The following DPYD variants were observed in gnomAD, a reference collection of about 807,000 sequenced individuals.
The protein encoded by DPYD is dihydropyrimidine dehydrogenase [NADP(+)].
DPYD carries 109 observed loss-of-function variants against 116.2 expected under a neutral mutation model. The ratio of observed to expected loss-of-function variants is 0.94; its 90% CI spans 0.80 to 1.10. The LOEUF is 1.10. Among genes scored for constraint, DPYD ranks in the 50% least tolerant of loss-of-function variants. DPYD has a pLI of 0.00. For missense variants in DPYD, 1,302 were observed against 1,254.5 expected, an observed-to-expected ratio of 1.04 and a Z score of -0.57; for synonymous variants, 440 against 432.0, an observed-to-expected ratio of 1.02 and a Z score of -0.23.
chr1:97,524,888 G>C (rs1343953975), intron 12 of DPYD, among the ~76,000 whole-genome samples: 1 of 152,022 alleles, frequency 6.6e-6, no homozygotes, highest in African/African-American at 2.4e-5. Flanking sequence ...TATTTATTAG[G>C]CATTTTAAAC....
intron 20 of DPYD, among the ~76,000 whole-genome samples, chr1:97,165,739 C>G (rs746946353): frequency 2.6e-5 from 4 of 152,050 alleles, no homozygotes; most frequent in Non-Finnish European, 5.9e-5. Flanking sequence ...GAAGTAACAA[C>G]CCCTTAATAA....
chr1:97,453,481 C>T (rs1026935969), intron 13 of DPYD, among the ~76,000 whole-genome samples: 7 of 152,006 alleles, frequency 4.6e-5, no homozygotes, highest in Non-Finnish European at 7.4e-5. Context: ...GGAAATTTCA[C>T]CTATAACTAA....
chr1:97,841,276 T>C (rs1670023735), intron 2 of DPYD, among the ~76,000 whole-genome samples: 1 of 152,068 alleles, frequency 6.6e-6, no homozygotes, highest in Non-Finnish European at 1.5e-5. Flanking sequence ...GCATTATCAC[T>C]CATCATTATT....
At chr1:97,747,039 C>A (rs548316875) in intron 3 of DPYD, among the ~76,000 whole-genome samples, 1 of 151,218 alleles carries the variant, frequency 6.6e-6, no homozygotes, top group South Asian at 2.1e-4. Context: ...GGAAAAGTGT[C>A]CCAATTCTGA....
intron 10 of DPYD, among the ~76,000 whole-genome samples, chr1:97,576,585 C>T (rs1570988885): frequency 6.6e-6 from 1 of 152,180 alleles, no homozygotes; most frequent in African/African-American, 2.4e-5. Flanking sequence ...TTATTAATCA[C>T]TGAATGCCTA....
intron 22 of DPYD, among the ~76,000 whole-genome samples, chr1:97,080,266 T>G (rs1649062653): frequency 6.6e-6 from 1 of 152,108 alleles, no homozygotes; most frequent in African/African-American, 2.4e-5. Context: ...ATGGTACCCC[T>G]TGAGGCCAGG....
intron 7 of DPYD, among the ~76,000 whole-genome samples, chr1:97,683,468 T>C (rs1660540018): frequency 6.6e-6 from 1 of 151,746 alleles, no homozygotes; most frequent in Non-Finnish European, 1.5e-5. Flanking sequence ...CAAATTAAGG[T>C]AATCAATTAG....
chr1:97,160,181 T>G (rs1655785322), intron 20 of DPYD, among the ~76,000 whole-genome samples: 1 of 152,126 alleles, frequency 6.6e-6, no homozygotes, highest in Non-Finnish European at 1.5e-5. Context: ...AAGATAATTT[T>G]AGAACAATTC....
At chr1:97,537,642 T>C (rs533933959) in intron 12 of DPYD, among the ~76,000 whole-genome samples, 3 of 152,260 alleles carry the variant, frequency 2.0e-5, no homozygotes, top group Non-Finnish European at 4.4e-5. Context: ...ATATTTTTAA[T>C]TGTCTTTATA....
chr1:97,892,714 T>C (rs1051438953), intron 1 of DPYD, among the ~76,000 whole-genome samples: 2 of 151,758 alleles, frequency 1.3e-5, no homozygotes, highest in African/African-American at 2.4e-5. Context: ...CTTATCATAC[T>C]TTTTTTCCCA....
intron 3 of DPYD, among the ~76,000 whole-genome samples, chr1:97,786,489 A>T (rs919790849): frequency 7.9e-5 from 12 of 152,212 alleles, no homozygotes; most frequent in African/African-American, 2.9e-4. Flanking sequence ...TAAAACCACC[A>T]TCTATCAAAG....
intron 13 of DPYD, among the ~76,000 whole-genome samples, chr1:97,503,709 T>A (rs1321649134): frequency 6.6e-6 from 1 of 151,884 alleles, no homozygotes; most frequent in Non-Finnish European, 1.5e-5. Context: ...GCATGTTTAA[T>A]CACATCTTGG....
At position 97,696,824 on chromosome 1, in the gene DPYD, C is replaced by T. The variant is rs1244975290; in HGVS notation, c.680+2527G>A. Among the ~76,000 whole-genome samples the T allele has an allele frequency of 2.0e-5, 3 of 152,070 alleles. No homozygotes were observed. In the East Asian group the frequency reaches 5.8e-4, roughly 29 times the overall value. Reference sequence around the variant, plus strand: ...AGATAATAGACTTAAATTTGTAATACATCACACATTCTCAAAATATTTCCT... The same window carrying T: ...AGATAATAGACTTAAATTTGTAATATATCACACATTCTCAAAATATTTCCT... On this transcript the variant is annotated intron_variant, in intron 6 of 22. Coordinates refer to ENST00000370192, the MANE Select transcript of DPYD (RefSeq NM_000110.4).
At chr1:97,100,241 T>C (rs1230575181) in intron 20 of DPYD, among the ~76,000 whole-genome samples, 2 of 151,964 alleles carry the variant, frequency 1.3e-5, no homozygotes, top group Non-Finnish European at 2.9e-5. Flanking sequence ...TAAAAGACAA[T>C]GCTTTTATGA....
chr1:97,731,628 T>C (rs1205542795), intron 4 of DPYD, among the ~76,000 whole-genome samples: 2 of 151,926 alleles, frequency 1.3e-5, no homozygotes, highest in Non-Finnish European at 2.9e-5. Context: ...ATCTAGAAAA[T>C]TCAATTATAC....
chr1:97,263,215 G>A (rs542997121), intron 18 of DPYD, among the ~76,000 whole-genome samples: 23 of 152,008 alleles, frequency 1.5e-4, no homozygotes, highest in Non-Finnish European at 2.6e-4. Flanking sequence ...AACCAAGAAC[G>A]TGTTTTCCAT....
At chr1:97,655,465 T>C (rs1378414127) in intron 8 of DPYD, among the ~76,000 whole-genome samples, 1 of 152,224 alleles carries the variant, frequency 6.6e-6, no homozygotes, top group Non-Finnish European at 1.5e-5. Context: ...TTCCTTCCAC[T>C]GCTGCCTGCT....
At chr1:97,217,362 G>A (rs2101884899) in intron 19 of DPYD, among the ~76,000 whole-genome samples, 1 of 152,242 alleles carries the variant, frequency 6.6e-6, no homozygotes, top group South Asian at 2.1e-4. Flanking sequence ...CTGAACTGTG[G>A]TCTAGAAATC....
chr1:97,740,529 T>A (rs1465850146), intron 3 of DPYD, 50 bp from the exon 4 acceptor site: 1 of 1,483,974 alleles, frequency 6.7e-7, no homozygotes, highest in Non-Finnish European at 9.4e-7. Context: ...AGTGAGATAA[T>A]CTATTTTCTA....
Sources: allele counts gnomAD v4.1 joint callset (sites outside exome capture counted in the v4.1 genomes callset), GRCh38; gene constraint gnomAD v4.1.1; transcripts MANE v1.5; gene names NCBI Gene and HGNC (gene_info 2026-07-23, HGNC 2026-07-21).